Variants in THRB observed in about 807,000 individuals in gnomAD.
THRB encodes the protein nuclear receptor subfamily 1 group A member 2.
A neutral mutation model predicts 47.8 loss-of-function variants in THRB; 12 were observed. The ratio of observed to expected loss-of-function variants is 0.25; its 90% CI spans 0.16 to 0.41. The LOEUF (loss-of-function observed/expected upper bound fraction) is 0.41. Ranked by LOEUF, THRB falls within the 10% of genes least tolerant of loss-of-function variation. The pLI is 1.00. For synonymous variants in THRB, 218 were observed against 212.2 expected (o/e 1.03, Z -0.24); for missense variants, 348 against 589.2 (o/e 0.59, Z 4.24).
At chr3:24,452,376 C>T (rs375147702) in intron 1 of THRB, among the ~76,000 whole-genome samples, 1 of 152,088 alleles carries the variant, frequency 6.6e-6, no homozygotes, top group South Asian at 2.1e-4. Context: ...TCTGTCACCT[C>T]ATGGTTCCCA....
At chr3:24,182,297 A>G (rs1222475345) in intron 5 of THRB, among the ~76,000 whole-genome samples, 1 of 152,174 alleles carries the variant, frequency 6.6e-6, no homozygotes, top group Non-Finnish European at 1.5e-5. Flanking sequence ...CTTGTAGGAG[A>G]TGTCCTGGGG....
intron 5 of THRB, among the ~76,000 whole-genome samples, chr3:24,183,565 T>A (rs1167638019): frequency 6.6e-6 from 1 of 151,386 alleles, no homozygotes; most frequent in Non-Finnish European, 1.5e-5. Flanking sequence ...AGAGACAGGG[T>A]TTCATCATGT....
At chr3:24,332,761 A>G (rs1275703218) in intron 2 of THRB, among the ~76,000 whole-genome samples, 1 of 152,202 alleles carries the variant, frequency 6.6e-6, no homozygotes, top group African/African-American at 2.4e-5. Context: ...AAAAGGAGAT[A>G]AAACTCAAAC....
At chr3:24,442,523 A>C (rs1469835933) in intron 1 of THRB, among the ~76,000 whole-genome samples, 3 of 152,204 alleles carry the variant, frequency 2.0e-5, no homozygotes, top group Non-Finnish European at 2.9e-5. Flanking sequence ...AGGGTCAAAA[A>C]TATTTTAAAA....
intron 4 of THRB, 63 bp downstream of exon 4, chr3:24,228,875 A>C (rs931401892): frequency 4.1e-6 from 6 of 1,447,924 alleles, no homozygotes; most frequent in Admixed American, 1.9e-5. Context: ...AAGAATCTAT[A>C]ATTTCACTCT....
At chr3:24,308,371 G>A (rs2057511035) in intron 2 of THRB, among the ~76,000 whole-genome samples, 1 of 152,180 alleles carries the variant, frequency 6.6e-6, no homozygotes, top group African/African-American at 2.4e-5. Context: ...TACAAGGTTA[G>A]GGTGTTACGA....
intron 3 of THRB, among the ~76,000 whole-genome samples, chr3:24,282,813 G>A (rs546157968): frequency 4.0e-5 from 6 of 149,784 alleles, no homozygotes; most frequent in Admixed American, 6.6e-5. Flanking sequence ...ACACCTCTAC[G>A]CAAATAAACT....
chr3:24,345,143 G>A (rs955077261), intron 1 of THRB, among the ~76,000 whole-genome samples: 3 of 152,044 alleles, frequency 2.0e-5, no homozygotes, highest in Non-Finnish European at 2.9e-5. Context: ...TAATTTATAC[G>A]GTGCAACTAT....
chr3:24,239,669 AG>A (rs1372856625), intron 3 of THRB, among the ~76,000 whole-genome samples: 4 of 152,110 alleles, frequency 2.6e-5, no homozygotes, highest in African/African-American at 9.7e-5. Context: ...AAGGTTATAA[AG>A]GAAAGAAGTC....
At chr3:24,365,171 T>C (rs1483671518) in intron 1 of THRB, among the ~76,000 whole-genome samples, 1 of 152,172 alleles carries the variant, frequency 6.6e-6, no homozygotes, top group Admixed American at 6.6e-5. Context: ...GAACATAATT[T>C]CCTGCCTTAT....
intron 2 of THRB, among the ~76,000 whole-genome samples, chr3:24,316,283 T>A (rs540051681): frequency 1.8e-4 from 27 of 152,346 alleles, no homozygotes; most frequent in African/African-American, 6.3e-4. Flanking sequence ...AAAGCCTGAA[T>A]CATAGGACTA....
intron 1 of THRB, among the ~76,000 whole-genome samples, chr3:24,463,414 G>A (rs890406508): frequency 1.2e-4 from 18 of 152,056 alleles, no homozygotes; most frequent in African/African-American, 4.1e-4. Context: ...GCACATGTGC[G>A]GCTAATTTTT....
chr3:24,482,536 T>TCC (rs1414589541), intron 1 of THRB, among the ~76,000 whole-genome samples: 2 of 143,448 alleles, frequency 1.4e-5, no homozygotes, highest in African/African-American at 5.5e-5. Flanking sequence ...TCTTTCTGTC[T>TCC]CCCTCTCTCT....
intron 1 of THRB, among the ~76,000 whole-genome samples, chr3:24,375,538 G>C (rs2065222862): frequency 6.9e-6 from 1 of 145,124 alleles, no homozygotes; most frequent in Non-Finnish European, 1.5e-5. Context: ...ATATTAGTTA[G>C]ACATATAATA....
chr3:24,175,886 ATAAT>A (rs1216012459), intron 5 of THRB, among the ~76,000 whole-genome samples: 2 of 150,314 alleles, frequency 1.3e-5, no homozygotes, highest in Non-Finnish European at 3.0e-5. Context: ...CTTACTGTAC[ATAAT>A]TACAAAGGGA....
intron 3 of THRB, among the ~76,000 whole-genome samples, chr3:24,255,688 CA>C (rs1250129801): frequency 1.3e-5 from 2 of 152,146 alleles, no homozygotes; most frequent in Non-Finnish European, 2.9e-5. Context: ...TACTTATGTA[CA>C]GGGTGATAGA....
At chr3:24,365,231 C>A (rs957132570) in intron 1 of THRB, among the ~76,000 whole-genome samples, 2 of 152,134 alleles carry the variant, frequency 1.3e-5, no homozygotes, top group Non-Finnish European at 2.9e-5. Context: ...AGAGTCACTG[C>A]ATCAAGTTTA....
At chr3:24,284,124 T>G (rs1236254027) in intron 3 of THRB, among the ~76,000 whole-genome samples, 10 of 147,428 alleles carry the variant, frequency 6.8e-5, no homozygotes, top group Admixed American at 1.3e-4. Context: ...CATCGCCAAG[T>G]CAATCCTGAG....
At chr3:24,220,427 G>A (rs2047035494) in intron 4 of THRB, among the ~76,000 whole-genome samples, 1 of 152,178 alleles carries the variant, frequency 6.6e-6, no homozygotes, top group African/African-American at 2.4e-5. Context: ...GAAGGTGGAG[G>A]TTGCAGTGAG....
Sources: gnomAD v4.1 joint callset for allele counts (sites outside exome capture counted in the v4.1 genomes callset) on GRCh38, gnomAD v4.1.1 for gene constraint, MANE v1.5 for transcripts, NCBI Gene and HGNC (gene_info 2026-07-23, HGNC 2026-07-21) for gene names.